Variants in GRM8 observed in about 807,000 individuals in gnomAD.
The protein encoded by GRM8 is glutamate metabotropic receptor 8.
Under a neutral mutation model 87.2 loss-of-function variants are expected in GRM8, and 47 were observed. That is an observed-to-expected ratio of 0.54 (90% CI 0.43 to 0.69). The LOEUF (loss-of-function observed/expected upper bound fraction) is 0.69, where lower values mean the gene tolerates loss of function less well. Among genes scored for constraint, GRM8 ranks in the 30% least tolerant of loss-of-function variants. The pLI is 0.00. For missense variants in GRM8, 1,019 were observed against 1,139.2 expected (o/e 0.89, Z 1.52); for synonymous variants, 396 against 404.5 (o/e 0.98, Z 0.25).
intron 2 of GRM8, chr7:127,112,240 CAAGT>C (rs935335505): frequency 1.3e-5 from 2 of 152,304 alleles, no homozygotes; most frequent in African/African-American, 2.4e-5. Context: ...AACATTTTCC[CAAGT>C]AAGTCCTTCC....
chr7:126,883,256 A>G (rs1800184685), intron 6 of GRM8, among the ~76,000 whole-genome samples: 1 of 152,200 alleles, frequency 6.6e-6, no homozygotes, highest in African/African-American at 2.4e-5. Flanking sequence ...AACACCCTGA[A>G]TTTACAAGAG....
At chr7:126,590,123 A>T (rs1256710823) in intron 8 of GRM8, among the ~76,000 whole-genome samples, 3 of 72,378 alleles carry the variant, frequency 4.1e-5, no homozygotes, top group African/African-American at 1.0e-4. Flanking sequence ...CATGAAATAA[A>T]AAAAAAAAAT....
intron 8 of GRM8, among the ~76,000 whole-genome samples, chr7:126,537,473 T>C (rs930001183): frequency 2.0e-5 from 3 of 152,128 alleles, no homozygotes; most frequent in Non-Finnish European, 4.4e-5. Flanking sequence ...TGCTAAATGA[T>C]GATTAAAACC....
chr7:126,807,027 G>T (rs1034645778), intron 6 of GRM8, among the ~76,000 whole-genome samples: 1 of 152,224 alleles, frequency 6.6e-6, no homozygotes, highest in African/African-American at 2.4e-5. Flanking sequence ...GAGAGTGAGC[G>T]AGGGCTGCTA....
chr7:126,461,136 C>A (rs1402434490), intron 9 of GRM8, among the ~76,000 whole-genome samples: 1 of 151,428 alleles, frequency 6.6e-6, no homozygotes, highest in Non-Finnish European at 1.5e-5. Context: ...GTCCTTAGGT[C>A]ATTAGCAGTC....
intron 3 of GRM8, among the ~76,000 whole-genome samples, chr7:126,920,300 G>T (rs770334175): frequency 1.3e-5 from 2 of 152,094 alleles, no homozygotes; most frequent in African/African-American, 4.8e-5. Context: ...AAGCTACTCA[G>T]TTTATGGTAT....
chr7:126,448,500 T>C (rs909883151), intron 9 of GRM8, among the ~76,000 whole-genome samples: 1 of 151,950 alleles, frequency 6.6e-6, no homozygotes, highest in Non-Finnish European at 1.5e-5. Flanking sequence ...CTGCCAAATA[T>C]TAGACATGAA....
intron 7 of GRM8, among the ~76,000 whole-genome samples, chr7:126,731,539 T>A (rs1469056412): frequency 6.6e-6 from 1 of 152,136 alleles, no homozygotes; most frequent in Non-Finnish European, 1.5e-5. Context: ...ACTGACCATC[T>A]TAACTTGTGC....
intron 8 of GRM8, among the ~76,000 whole-genome samples, chr7:126,564,494 A>G (rs1256291064): frequency 2.0e-5 from 3 of 152,054 alleles, no homozygotes; most frequent in South Asian, 2.1e-4. Context: ...AAAGAAATGG[A>G]AAAAAAACAC....
chr7:126,766,507 AT>A (rs1818212587), intron 7 of GRM8, among the ~76,000 whole-genome samples: 1 of 152,138 alleles, frequency 6.6e-6, no homozygotes, highest in African/African-American at 2.4e-5. Flanking sequence ...TAATGGGTCA[AT>A]TTTTTTAATT....
intron 7 of GRM8, among the ~76,000 whole-genome samples, chr7:126,694,821 G>A (rs1246707933): frequency 6.6e-6 from 1 of 152,130 alleles, no homozygotes; most frequent in Non-Finnish European, 1.5e-5. Flanking sequence ...CTCCTTGTCT[G>A]GACTAGATGT....
chr7:126,978,030 C>A (rs1194498121), intron 3 of GRM8, among the ~76,000 whole-genome samples: 1 of 152,064 alleles, frequency 6.6e-6, no homozygotes. Context: ...TTGTTTTGTA[C>A]AGAATGGAGA....
At chr7:127,025,353 C>T (rs1816678696) in intron 3 of GRM8, among the ~76,000 whole-genome samples, 1 of 152,050 alleles carries the variant, frequency 6.6e-6, no homozygotes, top group Admixed American at 6.6e-5. Context: ...TCAATACCAG[C>T]CACCATACCC....
At chr7:126,574,876 TC>T (rs1288387261) in intron 8 of GRM8, among the ~76,000 whole-genome samples, 1 of 152,156 alleles carries the variant, frequency 6.6e-6, no homozygotes, top group Non-Finnish European at 1.5e-5. Context: ...ACTCAGCACT[TC>T]CTGTGAAGAG....
intron 3 of GRM8, among the ~76,000 whole-genome samples, chr7:127,004,180 A>G (rs559098009): frequency 2.0e-5 from 3 of 151,826 alleles, no homozygotes; most frequent in East Asian, 3.9e-4. Flanking sequence ...AATTCACCAC[A>G]AATACTTTAA....
At chr7:126,561,724 C>A (rs896175572) in intron 8 of GRM8, among the ~76,000 whole-genome samples, 2 of 151,288 alleles carry the variant, frequency 1.3e-5, no homozygotes, top group Non-Finnish European at 2.9e-5. Flanking sequence ...GTGCTGCACC[C>A]ATTAACTGGT....
At chr7:126,850,420 C>T (rs952926322) in intron 6 of GRM8, among the ~76,000 whole-genome samples, 1 of 152,200 alleles carries the variant, frequency 6.6e-6, no homozygotes, top group Non-Finnish European at 1.5e-5. Flanking sequence ...CATCCAAACA[C>T]ACCTGGAACA....
intron 6 of GRM8, among the ~76,000 whole-genome samples, chr7:126,801,120 A>T (rs146862780): frequency 6.6e-6 from 1 of 152,162 alleles, no homozygotes; most frequent in Non-Finnish European, 1.5e-5. Context: ...CCTCCCTTGT[A>T]TCAAACAAAT....
At chr7:126,733,589 G>A (rs1423439554) in intron 7 of GRM8, among the ~76,000 whole-genome samples, 1 of 151,500 alleles carries the variant, frequency 6.6e-6, no homozygotes, top group African/African-American at 2.4e-5. Context: ...ACAATATACA[G>A]TATCAAAGAA....
Sources: gnomAD v4.1 joint callset for allele counts (sites outside exome capture counted in the v4.1 genomes callset) on GRCh38, gnomAD v4.1.1 for gene constraint, MANE v1.5 for transcripts, NCBI Gene and HGNC (gene_info 2026-07-23, HGNC 2026-07-21) for gene names.